The following ATP6V0D1 variants were observed in gnomAD, a reference collection of about 807,000 sequenced individuals.
ATP6V0D1 encodes ATPase H+ transporting V0 subunit d1, also known as V-type proton ATPase subunit d 1.
A neutral mutation model predicts 39.0 loss-of-function variants in ATP6V0D1; 13 were observed. The ratio of observed to expected loss-of-function variants is 0.33; its 90% CI spans 0.22 to 0.53. ATP6V0D1 has a LOEUF of 0.53. Ranked by LOEUF, ATP6V0D1 falls within the 20% of genes least tolerant of loss-of-function variation. The probability of loss-of-function intolerance (pLI) is 0.94; values close to 1 mark genes in which losing one functional copy is unlikely to be tolerated. For missense variants in ATP6V0D1, 272 were observed against 470.9 expected (o/e 0.58, Z 3.91); for synonymous variants, 191 against 191.2 (o/e 1.00, Z 0.01).
At chr16:67,452,544 G>T (rs2041193219) in intron 2 of ATP6V0D1, 4 of 756,964 alleles carry the variant, frequency 5.3e-6, no homozygotes, top group Non-Finnish European at 6.8e-6. Flanking sequence ...ATCAAGGAAT[G>T]GTAAAAGTTA....
At position 67,438,105 on chromosome 16, in the gene ATP6V0D1, G is replaced by A. The variant is rs564324712; in HGVS notation, c.*423C>T. 9.9e-6 allele frequency: 2 copies of A among 202,244 alleles called. No individual in the cohort carries two copies. The highest frequency in any genetic ancestry group is 8.2e-5 in the South Asian group (1 of 12,202). The allele number at this position is 202,244 out of a possible 1,614,324, so 12.5% of individuals were successfully genotyped here. Reference sequence around the variant, plus strand: ...GAGCAACATCCCCCCAGGCCCCAAGGACACACACACTCTGTCCTTCCCATG... The same window carrying A: ...GAGCAACATCCCCCCAGGCCCCAAGAACACACACACTCTGTCCTTCCCATG... On this transcript the variant is annotated 3_prime_UTR_variant, in exon 8 of 8. Transcript: ENST00000290949.
chr16:67,460,870 C>G (rs188198437), intron 1 of ATP6V0D1, among the ~76,000 whole-genome samples: 28 of 152,260 alleles, frequency 1.8e-4, no homozygotes, highest in Admixed American at 3.9e-4. Flanking sequence ...CTGAGTGGGA[C>G]AGGGGAGAAA....
intron 1 of ATP6V0D1, among the ~76,000 whole-genome samples, chr16:67,475,686 G>T (rs1294591015): frequency 6.6e-6 from 1 of 152,200 alleles, no homozygotes; most frequent in East Asian, 1.9e-4. Flanking sequence ...GTACTCATCA[G>T]CTGAAGTGGT....
intron 2 of ATP6V0D1, chr16:67,452,109 G>A (rs1163234549): frequency 7.7e-7 from 1 of 1,291,478 alleles, no homozygotes; most frequent in Non-Finnish European, 1.0e-6. Context: ...TGGCTTTGCA[G>A]CAAGGAACAC....
In ATP6V0D1 at chr16:67,449,060, C is replaced by T. The variant is rs529251681; in HGVS notation, c.303-4354G>A. On this transcript the variant is annotated intron_variant, in intron 2 of 7. Coordinates refer to ENST00000290949, the MANE Select transcript of ATP6V0D1 (RefSeq NM_004691.5). Reference sequence around the variant, plus strand: ...GGGTGACAGGTCCTGGAGAAAATCACAGATGTGCTGACAGGCCCATTAGGC... The same window carrying T: ...GGGTGACAGGTCCTGGAGAAAATCATAGATGTGCTGACAGGCCCATTAGGC... 2.4e-4 allele frequency among the ~76,000 whole-genome samples: 37 copies of T among 152,360 alleles called. No homozygotes were observed. In the South Asian group the frequency reaches 7.7e-3, roughly 32 times the overall value.
chr16:67,460,172 C>T (rs1217057860), intron 1 of ATP6V0D1, among the ~76,000 whole-genome samples: 1 of 152,214 alleles, frequency 6.6e-6, no homozygotes, highest in Non-Finnish European at 1.5e-5. Context: ...TCTACCACTC[C>T]CCTGGGCCTG....
chr16:67,480,198 CAAAAAAA>C (rs5817621), intron 1 of ATP6V0D1, among the ~76,000 whole-genome samples: 2 of 29,600 alleles, frequency 6.8e-5, no homozygotes, highest in Admixed American at 3.0e-4. Context: ...GACTCCGTCT[CAAAAAAA>C]AAAAAAAAAA....
intron 1 of ATP6V0D1, among the ~76,000 whole-genome samples, chr16:67,468,824 A>C (rs2041350570): frequency 6.6e-6 from 1 of 152,188 alleles, no homozygotes; most frequent in South Asian, 2.1e-4. Flanking sequence ...AAGGCCTAGC[A>C]GGGGTTCAAG....
chr16:67,449,829 G>A (rs2041157888), intron 2 of ATP6V0D1, among the ~76,000 whole-genome samples: 1 of 152,242 alleles, frequency 6.6e-6, no homozygotes, highest in African/African-American at 2.4e-5. Flanking sequence ...GCAGGTACTG[G>A]TTATGTGTGC....
At chr16:67,457,567 A>G (rs2041250201) in intron 1 of ATP6V0D1, 1 of 1,289,408 alleles carries the variant, frequency 7.8e-7, no homozygotes. Context: ...TGCTCACCTG[A>G]CAGGCATGGA....
chr16:67,438,739 A>T (rs770136881), intron 7 of ATP6V0D1, 50 bp from the exon 8 acceptor site: 1 of 1,614,190 alleles, frequency 6.2e-7, no homozygotes, highest in Admixed American at 1.7e-5. Flanking sequence ...CCACAGAGTC[A>T]GGTCTAAACC....
At chr16:67,461,291 T>C (rs2142322534) in intron 1 of ATP6V0D1, among the ~76,000 whole-genome samples, 1 of 152,310 alleles carries the variant, frequency 6.6e-6, no homozygotes, top group African/African-American at 2.4e-5. Context: ...GCTAACACTC[T>C]GCTATCTCCT....
chr16:67,452,209 C>G, intron 2 of ATP6V0D1: 1 of 1,533,074 alleles, frequency 6.5e-7, no homozygotes, highest in South Asian at 1.2e-5. Flanking sequence ...TTACCAGCCT[C>G]CTGCCCCAGT....
At chr16:67,458,450 C>A (rs1476654362) in intron 1 of ATP6V0D1, among the ~76,000 whole-genome samples, 23 of 152,168 alleles carry the variant, frequency 1.5e-4, no homozygotes, top group Admixed American at 1.4e-3. Context: ...CTGCTCTGGG[C>A]CTTGGGCTCA....
chr16:67,477,296 T>C (rs371737636), intron 1 of ATP6V0D1, among the ~76,000 whole-genome samples: 92 of 152,316 alleles, frequency 6.0e-4, no homozygotes, highest in African/African-American at 1.7e-3. Flanking sequence ...ATGGATCATA[T>C]TTGCATCCCA....
intron 1 of ATP6V0D1, chr16:67,459,023 C>T: frequency 7.2e-6 from 7 of 978,944 alleles, no homozygotes; most frequent in Non-Finnish European, 8.5e-6. Flanking sequence ...CCCAGCAGTC[C>T]ATGTAGCCCT....
intron 2 of ATP6V0D1, among the ~76,000 whole-genome samples, chr16:67,445,612 G>A (rs553763138): frequency 6.6e-6 from 1 of 152,340 alleles, no homozygotes; most frequent in African/African-American, 2.4e-5. Context: ...ACCTGAACAG[G>A]AGGCTGGGTC....
At chr16:67,478,757 T>C (rs964593975) in intron 1 of ATP6V0D1, among the ~76,000 whole-genome samples, 2 of 151,936 alleles carry the variant, frequency 1.3e-5, no homozygotes, top group African/African-American at 2.4e-5. Context: ...AGCAGTGTTA[T>C]AGGAAAAATG....
intron 1 of ATP6V0D1, chr16:67,455,261 GAGA>G (rs1597576392): frequency 6.6e-6 from 1 of 152,230 alleles, no homozygotes; most frequent in South Asian, 2.1e-4. Flanking sequence ...GGGTTGTTTA[GAGA>G]AGAAGGGAAG....
Sources: allele counts gnomAD v4.1 joint callset (sites outside exome capture counted in the v4.1 genomes callset), GRCh38; gene constraint gnomAD v4.1.1; transcripts MANE v1.5; gene names NCBI Gene and HGNC (gene_info 2026-07-23, HGNC 2026-07-21).